The following PIK3CA variants were observed in gnomAD, a reference collection of about 807,000 sequenced individuals.
PIK3CA encodes phosphatidylinositol-4,5-bisphosphate 3-kinase catalytic subunit alpha.
PIK3CA carries 27 observed loss-of-function variants against 138.2 expected under a neutral mutation model. The ratio of observed to expected loss-of-function variants is 0.20; its 90% CI spans 0.14 to 0.27. PIK3CA has a LOEUF of 0.27. Among genes scored for constraint, PIK3CA ranks in the 10% least tolerant of loss-of-function variants. The probability of loss-of-function intolerance (pLI) is 1.00; values close to 1 mark genes in which losing one functional copy is unlikely to be tolerated. For synonymous variants in PIK3CA, 358 were observed against 413.2 expected (o/e 0.87, Z 1.62); for missense variants, 544 against 1,277.4 (o/e 0.43, Z 8.75).
At chr3:179,186,867 A>AG (rs1723994642) in intron 1 of PIK3CA, among the ~76,000 whole-genome samples, 1 of 152,010 alleles carries the variant, frequency 6.6e-6, no homozygotes, top group Non-Finnish European at 1.5e-5. Context: ...CATTGATCTC[A>AG]TTGGTTAAAT....
chr3:179,190,684 C>G (rs1044242585), intron 1 of PIK3CA, among the ~76,000 whole-genome samples: 1 of 152,028 alleles, frequency 6.6e-6, no homozygotes, highest in Non-Finnish European at 1.5e-5. Flanking sequence ...GTGAAAGAAC[C>G]GTCTCTGTCT....
intron 1 of PIK3CA, among the ~76,000 whole-genome samples, chr3:179,167,080 A>G (rs532846658): frequency 6.6e-6 from 1 of 152,050 alleles, no homozygotes; most frequent in South Asian, 2.1e-4. Context: ...AAAAACTGTT[A>G]TATCTTATAG....
intron 1 of PIK3CA, among the ~76,000 whole-genome samples, chr3:179,163,535 C>T (rs1050487401): frequency 6.6e-6 from 1 of 152,080 alleles, no homozygotes; most frequent in Admixed American, 6.5e-5. Flanking sequence ...TCCTCTCCCC[C>T]CAACCCCCAT....
chr3:179,199,860 C>G lies in PIK3CA; in HGVS notation c.523C>G (p.Pro175Ala), dbSNP rs777154955. 6.2e-7 allele frequency: 1 copy of G among 1,611,200 alleles called. No individual in the cohort carries two copies. The highest frequency in any genetic ancestry group is 8.5e-7 in the Non-Finnish European group (1 of 1,177,610). Residue 175 changes from proline to alanine, a missense_variant, in exon 3 of 21, where the codon CCA becomes GCA. Physicochemically the swap from Pro to Ala is conservative, Grantham distance 27. Around this residue, in one of 14 missense-constraint regions of PIK3CA, gnomAD observed 234 missense variants for 401.3 expected, o/e 0.58. Transcript: ENST00000263967. ...CTATCCTCCAAATGTAGAATCTTCA[C>G]CAGAATTGCCAAAGCACATATATAA... ...YVYPPNVESSPELPKHIYNKL... is the reference protein window; with the variant it reads ...YVYPPNVESSAELPKHIYNKL...
In PIK3CA at chr3:179,228,498, A is replaced by G. The variant is rs193087390; in HGVS notation, c.2496-774A>G. Among the ~76,000 whole-genome samples, 496 of 152,196 alleles carry G rather than the reference A, an allele frequency of 3.3e-3. 4 individuals carry two copies. Among genetic ancestry groups the G allele is most frequent in the Non-Finnish European group, 5.2e-3 (351 of 67,948 alleles). On this transcript the variant is annotated intron_variant, in intron 17 of 20. Transcript: ENST00000263967. ...TTTTAGAATAGTACCAAAGAAAAATATCACAATTATCTGAAAAGTCTATTA... is the reference window on the plus strand; with the variant it reads ...TTTTAGAATAGTACCAAAGAAAAATGTCACAATTATCTGAAAAGTCTATTA...
At chr3:179,229,222 C>A (rs2108422260) in intron 17 of PIK3CA, 50 bp from the exon 18 acceptor site, 1 of 1,432,518 alleles carries the variant, frequency 7.0e-7, no homozygotes, top group Non-Finnish European at 9.7e-7. Flanking sequence ...AAAACATTTG[C>A]TATTTTAAAA....
At chr3:179,224,913 C>A (rs2108418515) in intron 16 of PIK3CA, 92 bp downstream of exon 16, 2 of 853,050 alleles carry the variant, frequency 2.3e-6, no homozygotes, top group Non-Finnish European at 1.8e-6. Context: ...TACTGAAAGC[C>A]ATTTAAGGAA....
intron 9 of PIK3CA, among the ~76,000 whole-genome samples, chr3:179,212,733 G>A (rs1724746973): frequency 1.3e-5 from 2 of 152,036 alleles, no homozygotes; most frequent in Admixed American, 1.3e-4. Context: ...GAGCCATCAT[G>A]CCCGGCCAAA....
At chr3:179,209,193 A>T (rs924880749) in intron 6 of PIK3CA, among the ~76,000 whole-genome samples, 1 of 151,918 alleles carries the variant, frequency 6.6e-6, no homozygotes, top group Non-Finnish European at 1.5e-5. Flanking sequence ...TATTCCTACA[A>T]TTGGAGCTGG....
intron 6 of PIK3CA, among the ~76,000 whole-genome samples, chr3:179,207,142 AAG>A (rs1724583146): frequency 6.6e-6 from 1 of 152,178 alleles, no homozygotes. Flanking sequence ...AGTTATTAAA[AAG>A]ATAGAAAAGT....
At chr3:179,173,070 C>A (rs1723600212) in intron 1 of PIK3CA, among the ~76,000 whole-genome samples, 2 of 151,892 alleles carry the variant, frequency 1.3e-5, no homozygotes, top group Non-Finnish European at 2.9e-5. Context: ...TCCTATAGAT[C>A]TTTTTCCCGT....
At chr3:179,162,480 G>A (rs1290841348) in intron 1 of PIK3CA, among the ~76,000 whole-genome samples, 1 of 151,898 alleles carries the variant, frequency 6.6e-6, no homozygotes, top group Admixed American at 6.6e-5. Flanking sequence ...CAAAGTGTTG[G>A]GATTACATGC....
rs1725177025 is a variant in PIK3CA, at chr3:179,230,058, T to A, written c.2721T>A (p.Ala907=). Residue 907 remains alanine (A), a synonymous_variant, in exon 19 of 21, where the codon GCT becomes GCA. Transcript: ENST00000263967. The surrounding 1 kb of genome is among the most constrained non-coding windows in gnomAD (Gnocchi z 5.4). ...GTTCATGTGCTGGATACTGTGTAGC[T>A]ACCTTCATTTTGGGAATTGGAGATC... ...FTRSCAGYCV[A]TFILGIGDRH... is the part of the protein sequence containing the mutation. The A allele has an allele frequency of 6.2e-7, 1 of 1,613,458 alleles. No homozygotes were observed. The highest frequency in any genetic ancestry group is 8.5e-7 in the Non-Finnish European group (1 of 1,179,620).
At chr3:179,207,044 TGAA>T (rs1214500295) in intron 6 of PIK3CA, among the ~76,000 whole-genome samples, 5 of 152,060 alleles carry the variant, frequency 3.3e-5, no homozygotes, top group African/African-American at 1.2e-4. Flanking sequence ...GTCTAAAAGG[TGAA>T]GTATTTATGG....
At chr3:179,157,663 G>A (rs558838990) in intron 1 of PIK3CA, among the ~76,000 whole-genome samples, 1 of 152,108 alleles carries the variant, frequency 6.6e-6, no homozygotes, top group South Asian at 2.1e-4. Flanking sequence ...ATTGAGGCAC[G>A]TAATCTGACA....
chr3:179,181,273 G>A lies in PIK3CA; in HGVS notation c.-76-17477G>A, dbSNP rs148734536. ...ACTAAATTACTGGTATCAGCAATAA[G>A]TTTCATATTCTGACCAAAGAAACAT... On this transcript the variant is annotated intron_variant, in intron 1 of 20. Coordinates refer to ENST00000263967, the MANE Select transcript of PIK3CA (RefSeq NM_006218.4). Among the ~76,000 whole-genome samples the A allele has an allele frequency of 5.3e-5, 8 of 152,088 alleles. No homozygotes were observed. The East Asian group carries it at 1.4e-3, about 26-fold the overall frequency.
Position 179,203,625 on chromosome 3 carries a change from A to T in PIK3CA, c.895A>T (p.Met299Leu), listed in dbSNP as rs779900475. ...AKESLYSQLP[M>L]DCFTMPSYSR... ...AGAAAGCCTTTATTCTCAACTGCCA[A>T]TGGACTGTTTTACAATGCCATCTTA... The change falls in exon 5 of 21, where the codon ATG (methionine) becomes TTG (leucine). Residue 299 changes from methionine to leucine, a missense_variant. Physicochemically the swap from Met to Leu is conservative, Grantham distance 15. Around this residue, in one of 14 missense-constraint regions of PIK3CA, gnomAD observed 234 missense variants for 401.3 expected, o/e 0.58. Coordinates refer to ENST00000263967, the MANE Select transcript of PIK3CA (RefSeq NM_006218.4). 6.2e-7 allele frequency: 1 copy of T among 1,614,022 alleles called. No homozygotes were observed. The highest frequency in any genetic ancestry group is 8.5e-7 in the Non-Finnish European group (1 of 1,179,974).
chr3:179,235,081 C>T lies in PIK3CA; in HGVS notation c.*717C>T, dbSNP rs1576950426. The T allele has an allele frequency of 5.5e-6, 1 of 183,184 alleles. No individual in the cohort carries two copies. The allele number at this position is 183,184 out of a possible 1,614,324, so 11.3% of individuals were successfully genotyped here. A position where few individuals can be genotyped will look rare whatever the true frequency, so the allele number is the denominator to read the frequency against. On this transcript the variant is annotated 3_prime_UTR_variant, in exon 21 of 21. Coordinates refer to ENST00000263967, the MANE Select transcript of PIK3CA (RefSeq NM_006218.4). Reference sequence around the variant, plus strand: ...TTCTTCTGGACAGTATTTAAAGGATCTTATTCTTATTTCCCAGGGAAATTC... The same window carrying T: ...TTCTTCTGGACAGTATTTAAAGGATTTTATTCTTATTTCCCAGGGAAATTC...
chr3:179,178,364 T>C (rs1468312136), intron 1 of PIK3CA, among the ~76,000 whole-genome samples: 5 of 151,004 alleles, frequency 3.3e-5, no homozygotes, highest in Non-Finnish European at 5.9e-5. Context: ...ACAGAAGATA[T>C]ACAAATGGCC....
Sources: gnomAD v4.1 joint callset for allele counts (sites outside exome capture counted in the v4.1 genomes callset) on GRCh38, gnomAD v4.1.1 for gene constraint, gnomAD v4.1.1 regional missense constraint, Gnocchi (gnomAD v3.1) non-coding constraint, MANE v1.5 for transcripts, NCBI Gene and HGNC (gene_info 2026-07-23, HGNC 2026-07-21) for gene names.